ODF4: variants seen among roughly 807,000 people sequenced by gnomAD.
The protein encoded by ODF4 is outer dense fiber of sperm tails 4.
In ODF4, 11 loss-of-function variants were observed where a neutral mutation model predicts 17.0. That is an observed-to-expected ratio of 0.65 (90% CI 0.41 to 1.07). ODF4 has a LOEUF of 1.07. Ranked by LOEUF, ODF4 falls within the 50% of genes least tolerant of loss-of-function variation. The pLI is 0.00. For synonymous variants in ODF4, 127 were observed against 121.8 expected (o/e 1.04, Z -0.28); for missense variants, 281 against 310.2 (o/e 0.91, Z 0.71).
At chr17:8,341,705 G>T (rs1483718944) in intron 1 of ODF4, among the ~76,000 whole-genome samples, 1 of 151,798 alleles carries the variant, frequency 6.6e-6, no homozygotes, top group Non-Finnish European at 1.5e-5. Context: ...CACCCCTCAG[G>T]AATTTGGAGT....
At position 8,345,838 on chromosome 17, in the gene ODF4, G is replaced by T; in HGVS notation, c.760G>T (p.Asp254Tyr). 6.2e-7 allele frequency: 1 copy of T among 1,613,838 alleles called. No homozygotes were observed. Residue 254 changes from aspartate (D) to tyrosine (Y), a missense_variant, in exon 3 of 3, where the codon GAT (aspartate) becomes TAT (tyrosine). By Grantham distance (160) the Asp-to-Tyr change is radical (BLOSUM62 -3). Transcript: ENST00000328248. This position sits in a 1 kb window ranked among gnomAD's most constrained non-coding sequence, Gnocchi z 4.1. ...GGGAGTCCTGGATCCTGAGCAGAAG[G>T]ATACACATGTGTAATCTTTTCTGAA... The part of the protein sequence containing the change: ...QEGVLDPEQK[D>Y]THV
At chr17:8,342,512 C>T (rs1265949462) in intron 1 of ODF4, among the ~76,000 whole-genome samples, 10 of 65,556 alleles carry the variant, frequency 1.5e-4, no homozygotes, top group Non-Finnish European at 3.3e-5. Context: ...CAAAGTGCCT[C>T]GGCTCACGGA....
Position 8,345,563 on chromosome 17 carries a change from C to T in ODF4, c.589+86C>T. ...TGTGGAGGGAAGAGGCTGGCAATCCCCAGGGCTAGATTTTTAGGGTCTTAT... is the reference window on the plus strand; with the variant it reads ...TGTGGAGGGAAGAGGCTGGCAATCCTCAGGGCTAGATTTTTAGGGTCTTAT... On this transcript the variant is annotated intron_variant, in intron 2 of 2. Transcript: ENST00000328248. The surrounding 1 kb of genome is among the most constrained non-coding windows in gnomAD (Gnocchi z 4.1). 6.5e-7 allele frequency: 1 copy of T among 1,548,358 alleles called. No homozygotes were observed.
chr17:8,341,566 C>T (rs1906017460), intron 1 of ODF4, among the ~76,000 whole-genome samples: 1 of 152,114 alleles, frequency 6.6e-6, no homozygotes, highest in Non-Finnish European at 1.5e-5. Context: ...GCAATCATAG[C>T]TCACTGCAGC....
rs1567689071 is a variant in ODF4 at position 8,345,158 on chromosome 17, G to A, written c.455-185G>A. 35 of 798,612 alleles carry A rather than the reference G, an allele frequency of 4.4e-5. No individual in the cohort carries two copies. Among genetic ancestry groups the A allele is most frequent in the Non-Finnish European group, 6.5e-5 (33 of 510,110 alleles). The allele number at this position is 798,612 out of a possible 1,614,324, so 49.5% of individuals were successfully genotyped here. On this transcript the variant is annotated intron_variant, in intron 1 of 2. Transcript: ENST00000328248. This position sits in a 1 kb window ranked among gnomAD's most constrained non-coding sequence, Gnocchi z 4.1. Reference sequence around the variant, plus strand: ...TTGTGGGTGGTGGGAGAACAGAACCGAGAATCGAGTTACATCATTTCTTGG... The same window carrying A: ...TTGTGGGTGGTGGGAGAACAGAACCAAGAATCGAGTTACATCATTTCTTGG...
Position 8,345,261 on chromosome 17 carries a change from G to T in ODF4, c.455-82G>T. The T allele has an allele frequency of 7.6e-7, 1 of 1,314,500 alleles. No homozygotes were observed. The allele number at this position is 1,314,500 out of a possible 1,614,324, so 81.4% of individuals were successfully genotyped here. On this transcript the variant is annotated intron_variant, in intron 1 of 2. Transcript: ENST00000328248. The surrounding 1 kb of genome is among the most constrained non-coding windows in gnomAD (Gnocchi z 4.1). Reference sequence around the variant, plus strand: ...CACTCTGTGTGTGGTGATGTGGTTTGTGGCTGTAGCCTAGCAGATGAGGAA... The same window carrying T: ...CACTCTGTGTGTGGTGATGTGGTTTTTGGCTGTAGCCTAGCAGATGAGGAA...
At chr17:8,341,852 C>T (rs1597475906) in intron 1 of ODF4, among the ~76,000 whole-genome samples, 1 of 152,020 alleles carries the variant, frequency 6.6e-6, no homozygotes, top group Non-Finnish European at 1.5e-5. Flanking sequence ...TGAAAATATT[C>T]ATATAATGAA....
At chr17:8,342,810 C>T (rs146198272) in intron 1 of ODF4, among the ~76,000 whole-genome samples, 165 of 152,214 alleles carry the variant, frequency 1.1e-3, no homozygotes, top group African/African-American at 3.9e-3. Flanking sequence ...TATTGCACTG[C>T]AGCCTCAAAC....
In ODF4 at chr17:8,340,508, G is replaced by A; in HGVS notation, c.454+3G>A. The A allele has an allele frequency of 6.3e-7, 1 of 1,592,274 alleles. No homozygotes were observed. Among genetic ancestry groups the A allele is most frequent in the Non-Finnish European group, 8.6e-7 (1 of 1,163,332 alleles). ...TTCTGACTTAGAGAATGGGAAAGGT[G>A]AGCCCCTCCACCCCCCATCCCAGCC... On this transcript the variant is annotated splice_donor_region_variant and intron_variant, in intron 1 of 2. Transcript: ENST00000328248.
chr17:8,345,840 T>C lies in ODF4; in HGVS notation c.762T>C (p.Asp254=). The C allele has an allele frequency of 6.2e-7, 1 of 1,613,882 alleles. No individual in the cohort carries two copies. Among genetic ancestry groups the C allele is most frequent in the Non-Finnish European group, 8.5e-7 (1 of 1,179,838 alleles). Residue 254 remains aspartate, a synonymous_variant, in exon 3 of 3, where the codon GAT becomes GAC. Coordinates refer to ENST00000328248, the MANE Select transcript of ODF4 (RefSeq NM_153007.5). The surrounding 1 kb of genome is among the most constrained non-coding windows in gnomAD (Gnocchi z 4.1). Reference sequence around the variant, plus strand: ...GAGTCCTGGATCCTGAGCAGAAGGATACACATGTGTAATCTTTTCTGAACT... The same window carrying C: ...GAGTCCTGGATCCTGAGCAGAAGGACACACATGTGTAATCTTTTCTGAACT... The part of the protein sequence containing the change: ...QEGVLDPEQK[D]THV
At chr17:8,341,188 C>G (rs1284877229) in intron 1 of ODF4, among the ~76,000 whole-genome samples, 1 of 149,578 alleles carries the variant, frequency 6.7e-6, no homozygotes, top group Non-Finnish European at 1.5e-5. Flanking sequence ...AAAACTCTGT[C>G]TCAAAAAAAA....
rs1371563503 is a variant in ODF4 at position 8,343,975 on chromosome 17, G to A, written c.455-1368G>A. On this transcript the variant is annotated intron_variant, in intron 1 of 2. Transcript: ENST00000328248. ...AGCTAATTTTTATATTTTTAGTAGC[G>A]ATGGGGTTTCACCATGTTGCCCAGG... Among the ~76,000 whole-genome samples the A allele has an allele frequency of 1.6e-5, 2 of 121,776 alleles. 1 individual carries two copies. Among genetic ancestry groups the A allele is most frequent in the Admixed American group, 1.6e-4 (2 of 12,780 alleles). 79.9% of individuals were successfully genotyped at this position (121,776 alleles called of 152,430 possible). A position where few individuals can be genotyped will look rare whatever the true frequency, so the allele number is the denominator to read the frequency against.
In ODF4 at chr17:8,340,381, C is replaced by A. The variant is rs1488101839; in HGVS notation, c.330C>A (p.Ser110Arg). 3 of 1,613,278 alleles carry A rather than the reference C, an allele frequency of 1.9e-6. No homozygotes were observed. The highest frequency in any genetic ancestry group is 2.5e-6 in the Non-Finnish European group (3 of 1,179,436). Residue 110 changes from serine (S) to arginine (R), a missense_variant, in exon 1 of 3, where the codon AGC (serine) becomes AGA (arginine). Transcript: ENST00000328248. ...FSKKWLDLSR[S>R]LFYQRWPVDV... is the part of the protein sequence containing the mutation. ...AGAAATGGCTGGACCTCTCTAGGAGCCTCTTCTACCAGCGCTGGCCCGTGG... is the reference window on the plus strand; with the variant it reads ...AGAAATGGCTGGACCTCTCTAGGAGACTCTTCTACCAGCGCTGGCCCGTGG...
At position 8,345,407 on chromosome 17, in the gene ODF4, G is replaced by T; in HGVS notation, c.519G>T (p.Arg173Ser). The stretch of plus-strand genomic sequence containing the variant: ...ACATCTGGATCTTCGAGTTGGAAAG[G>T]AATGTATCCATCCCCATAGGCTGGA... ...PINIWIFELE[R>S]NVSIPIGWSY... Residue 173 changes from arginine (R) to serine (S), a missense_variant, in exon 2 of 3, where the codon AGG (arginine) becomes AGT (serine). Coordinates refer to ENST00000328248, the MANE Select transcript of ODF4 (RefSeq NM_153007.5). The surrounding 1 kb of genome is among the most constrained non-coding windows in gnomAD (Gnocchi z 4.1). 1 of 1,613,564 alleles carries T rather than the reference G, an allele frequency of 6.2e-7. No homozygotes were observed. Among genetic ancestry groups the T allele is most frequent in the Non-Finnish European group, 8.5e-7 (1 of 1,179,494 alleles).
Position 8,345,467 on chromosome 17 carries a change from C to T in ODF4, c.579C>T (p.Tyr193=), listed in dbSNP as rs772478829. Residue 193 remains tyrosine, a synonymous_variant, in exon 2 of 3, where the codon TAC becomes TAT. Coordinates refer to ENST00000328248, the MANE Select transcript of ODF4 (RefSeq NM_153007.5). This position sits in a 1 kb window ranked among gnomAD's most constrained non-coding sequence, Gnocchi z 4.1. ...TTGGTTGGCTGGTGCTTATCCTATA[C>T]TTCACCTGCGGTGAGTGGCCAGAGG... ...YFIGWLVLIL[Y]FTCAILCYFN... 4 of 1,614,042 alleles carry T rather than the reference C, an allele frequency of 2.5e-6. No individual in the cohort carries two copies. The highest frequency in any genetic ancestry group is 3.4e-6 in the Non-Finnish European group (4 of 1,179,922).
rs140528575 is a variant in ODF4, at chr17:8,345,396, G to C, written c.508G>C (p.Glu170Gln). ...ATTCCCCATTAACATCTGGATCTTC[G>C]AGTTGGAAAGGAATGTATCCATCCC... The part of the protein sequence containing the change: ...MLFPINIWIF[E>Q]LERNVSIPIG... Residue 170 changes from glutamate to glutamine, a missense_variant, in exon 2 of 3, where the codon GAG (glutamate) becomes CAG (glutamine). Physicochemically the swap from Glu to Gln is conservative, Grantham distance 29. Coordinates refer to ENST00000328248, the MANE Select transcript of ODF4 (RefSeq NM_153007.5). The surrounding 1 kb of genome is among the most constrained non-coding windows in gnomAD (Gnocchi z 4.1). 1.9e-6 allele frequency: 3 copies of C among 1,613,424 alleles called. No individual in the cohort carries two copies. Among genetic ancestry groups the C allele is most frequent in the African/African-American group, 1.3e-5 (1 of 74,858 alleles).
In ODF4 at chr17:8,345,954, A is replaced by G; in HGVS notation, c.*102A>G. Reference sequence around the variant, plus strand: ...AGGTTGGTCCTCATCATTGCAAGGAATGAGAAAGGGAGGATTTTGCACTCC... The same window carrying G: ...AGGTTGGTCCTCATCATTGCAAGGAGTGAGAAAGGGAGGATTTTGCACTCC... On this transcript the variant is annotated 3_prime_UTR_variant, in exon 3 of 3. Coordinates refer to ENST00000328248, the MANE Select transcript of ODF4 (RefSeq NM_153007.5). This position sits in a 1 kb window ranked among gnomAD's most constrained non-coding sequence, Gnocchi z 4.1. 1.1e-6 allele frequency: 1 copy of G among 923,380 alleles called. No homozygotes were observed. 57.2% of individuals were successfully genotyped at this position (923,380 alleles called of 1,614,324 possible). A position where few individuals can be genotyped will look rare whatever the true frequency, so the allele number is the denominator to read the frequency against.
rs1237824107 is a variant in ODF4 at position 8,340,003 on chromosome 17, TTGAGTCTGG to T, written c.-44_-36del. The T allele has an allele frequency of 8.2e-7, 1 of 1,216,222 alleles. No individual in the cohort carries two copies. Among genetic ancestry groups the T allele is most frequent in the Non-Finnish European group, 1.1e-6 (1 of 874,534 alleles). 75.3% of individuals were successfully genotyped at this position (1,216,222 alleles called of 1,614,324 possible). A position where few individuals can be genotyped will look rare whatever the true frequency, so the allele number is the denominator to read the frequency against. ...ATATCCAAAAGATGAGAAGAGACAA[TTGAGTCTGG>T]TGAGGGAAAGGGGAGACAGAGGGTG... On this transcript the variant is annotated 5_prime_UTR_variant, in exon 1 of 3. Transcript: ENST00000328248.
In ODF4 at chr17:8,340,019, A is replaced by G; in HGVS notation, c.-33A>G. ...AAGAGACAATTGAGTCTGGTGAGGG[A>G]AAGGGGAGACAGAGGGTGAAGTGGT... is the stretch of plus-strand genomic sequence containing the variant. On this transcript the variant is annotated 5_prime_UTR_variant, in exon 1 of 3. Coordinates refer to ENST00000328248, the MANE Select transcript of ODF4 (RefSeq NM_153007.5). 1 of 1,383,104 alleles carries G rather than the reference A, an allele frequency of 7.2e-7. No individual in the cohort carries two copies. The highest frequency in any genetic ancestry group is 9.8e-7 in the Non-Finnish European group (1 of 1,019,768). 85.7% of individuals were successfully genotyped at this position (1,383,104 alleles called of 1,614,324 possible). A position where few individuals can be genotyped will look rare whatever the true frequency, so the allele number is the denominator to read the frequency against.
Sources: gnomAD v4.1 joint callset for allele counts (sites outside exome capture counted in the v4.1 genomes callset) on GRCh38, gnomAD v4.1.1 for gene constraint, Gnocchi (gnomAD v3.1) non-coding constraint, MANE v1.5 for transcripts, NCBI Gene and HGNC (gene_info 2026-07-23, HGNC 2026-07-21) for gene names.